Variants in MLLT10 observed in about 807,000 individuals in gnomAD.
MLLT10 encodes the protein protein AF-10.
A neutral mutation model predicts 129.1 loss-of-function variants in MLLT10; 30 were observed. That is an observed-to-expected ratio of 0.23 (90% confidence interval 0.17 to 0.32). The LOEUF (loss-of-function observed/expected upper bound fraction) is 0.32. Ranked by LOEUF, MLLT10 falls within the 10% of genes least tolerant of loss-of-function variation. The pLI, the probability that MLLT10 is intolerant of heterozygous loss-of-function variation, is 1.00. For missense variants in MLLT10, 1,119 were observed against 1,268.3 expected (o/e 0.88, Z 1.79); for synonymous variants, 490 against 446.4 (o/e 1.10, Z -1.23).
Position 21,595,353 on chromosome 10 carries a change from C to G in MLLT10, c.318C>G (p.Ala106=). 6.2e-7 allele frequency: 1 copy of G among 1,613,140 alleles called. No individual in the cohort carries two copies. Among genetic ancestry groups the G allele is most frequent in the Non-Finnish European group, 8.5e-7 (1 of 1,179,484 alleles). Residue 106 remains alanine (A), a synonymous_variant, in exon 5 of 23, where the codon GCC becomes GCG. Transcript: ENST00000307729. ...DNGGWAHVVC[A]LYIPEVQFAN... ...TAGGTTGGGCCCATGTGGTTTGTGCCCTGTATATTCCAGAGGTACAATTTG... is the reference window on the plus strand; with the variant it reads ...TAGGTTGGGCCCATGTGGTTTGTGCGCTGTATATTCCAGAGGTACAATTTG...
intron 8 of MLLT10, among the ~76,000 whole-genome samples, chr10:21,647,877 G>GT (rs1007667131): frequency 1.0e-4 from 15 of 148,722 alleles, no homozygotes; most frequent in Admixed American, 5.3e-4. Context: ...TTCCCTTTCT[G>GT]TTTTTTTTAT....
intron 2 of MLLT10, among the ~76,000 whole-genome samples, chr10:21,535,236 C>T (rs961564630): frequency 6.6e-6 from 1 of 152,166 alleles, no homozygotes; most frequent in African/African-American, 2.4e-5. Flanking sequence ...AGCCGCCTGT[C>T]TGCCGCAGTG....
At chr10:21,588,723 A>G (rs1484775002) in intron 4 of MLLT10, among the ~76,000 whole-genome samples, 1 of 151,864 alleles carries the variant, frequency 6.6e-6, no homozygotes, top group African/African-American at 2.4e-5. Context: ...GTAGTTTTGC[A>G]TTTCTCTTAA....
chr10:21,588,081 C>CT (rs2042164892), intron 4 of MLLT10, among the ~76,000 whole-genome samples: 1 of 151,616 alleles, frequency 6.6e-6, no homozygotes, highest in Non-Finnish European at 1.5e-5. Context: ...CTTCGATTTT[C>CT]TTTTTTTTGA....
intron 10 of MLLT10, among the ~76,000 whole-genome samples, chr10:21,672,793 C>T (rs1589565330): frequency 6.6e-6 from 1 of 152,102 alleles, no homozygotes; most frequent in African/African-American, 2.4e-5. Context: ...TTCAGCTGAA[C>T]AATAACAATC....
chr10:21,623,936 GA>G (rs1330535345), intron 8 of MLLT10, among the ~76,000 whole-genome samples: 4 of 151,916 alleles, frequency 2.6e-5, no homozygotes, highest in African/African-American at 9.7e-5. Context: ...TTTTTTAATA[GA>G]TTTTTTTAGT....
chr10:21,563,476 T>G (rs1162021618), intron 3 of MLLT10, among the ~76,000 whole-genome samples: 1 of 152,136 alleles, frequency 6.6e-6, no homozygotes, highest in East Asian at 1.9e-4. Flanking sequence ...TGAGCTGAGA[T>G]TGTGCCGCTG....
chr10:21,707,471 G>A (rs939631992), intron 13 of MLLT10, among the ~76,000 whole-genome samples: 3 of 152,242 alleles, frequency 2.0e-5, no homozygotes, highest in South Asian at 4.2e-4. Context: ...GATTACAGGC[G>A]TGAGCCACTG....
chr10:21,614,891 C>T lies in MLLT10; in HGVS notation c.570C>T (p.Tyr190=), dbSNP rs1037554335. 4 of 1,611,636 alleles carry T rather than the reference C, an allele frequency of 2.5e-6. No individual in the cohort carries two copies. The highest frequency in any genetic ancestry group is 1.7e-5 in the Admixed American group (1 of 59,348). ...EEGNGADNVQ[Y]CGYCKYHFSK... is the part of the protein sequence containing the mutation. Reference sequence around the variant, plus strand: ...GTAATGGTGCCGATAATGTCCAATACTGTGGCTACTGTAAATACCATTTTA... The same window carrying T: ...GTAATGGTGCCGATAATGTCCAATATTGTGGCTACTGTAAATACCATTTTA... Residue 190 remains tyrosine (Y), a synonymous_variant, in exon 7 of 23, where the codon TAC becomes TAT. Coordinates refer to ENST00000307729, the MANE Select transcript of MLLT10 (RefSeq NM_001195626.3).
chr10:21,658,126 C>T (rs1422109117), intron 9 of MLLT10, among the ~76,000 whole-genome samples: 1 of 152,022 alleles, frequency 6.6e-6, no homozygotes, highest in Non-Finnish European at 1.5e-5. Context: ...TCTAATATAT[C>T]ATAAATATAT....
intron 3 of MLLT10, among the ~76,000 whole-genome samples, chr10:21,545,101 C>T (rs1008539128): frequency 1.3e-5 from 2 of 152,028 alleles, no homozygotes; most frequent in Non-Finnish European, 2.9e-5. Flanking sequence ...GCCGAGATCG[C>T]GCTATTGCAC....
intron 8 of MLLT10, among the ~76,000 whole-genome samples, chr10:21,636,477 T>G (rs1237107026): frequency 6.6e-6 from 1 of 152,216 alleles, no homozygotes; most frequent in African/African-American, 2.4e-5. Flanking sequence ...TCTTTATATA[T>G]GTATATGTCT....
intron 17 of MLLT10, among the ~76,000 whole-genome samples, chr10:21,731,630 AATAAT>A (rs1173590679): frequency 6.6e-6 from 1 of 152,190 alleles, no homozygotes; most frequent in Non-Finnish European, 1.5e-5. Flanking sequence ...TTGGAGGAAG[AATAAT>A]AATTATTGAA....
intron 10 of MLLT10, 38 bp from the exon 11 acceptor site, chr10:21,673,312 C>T (rs748481864): frequency 3.0e-6 from 2 of 669,008 alleles, no homozygotes; most frequent in African/African-American, 2.0e-5. Context: ...CCCCCCCACC[C>T]CCCAACTTTT....
intron 3 of MLLT10, among the ~76,000 whole-genome samples, chr10:21,572,977 G>A (rs893363375): frequency 2.6e-5 from 4 of 151,706 alleles, no homozygotes; most frequent in African/African-American, 9.7e-5. Context: ...ACATTTTTTA[G>A]CAATTATAAA....
At chr10:21,676,494 G>T (rs995436622) in intron 11 of MLLT10, among the ~76,000 whole-genome samples, 1 of 151,482 alleles carries the variant, frequency 6.6e-6, no homozygotes, top group African/African-American at 2.4e-5. Flanking sequence ...GCCGAGGTGG[G>T]CAGGTCACCT....
intron 14 of MLLT10, among the ~76,000 whole-genome samples, chr10:21,719,804 AT>A (rs1478374747): frequency 1.3e-5 from 2 of 152,212 alleles, no homozygotes; most frequent in African/African-American, 4.8e-5. Context: ...ATTCATGGTT[AT>A]TGACTTCAAC....
At chr10:21,740,458 C>G (rs1481271827) in intron 22 of MLLT10, among the ~76,000 whole-genome samples, 1 of 152,162 alleles carries the variant, frequency 6.6e-6, no homozygotes, top group African/African-American at 2.4e-5. Context: ...TTTTGTAATT[C>G]AGCAATTTTC....
intron 3 of MLLT10, among the ~76,000 whole-genome samples, chr10:21,562,826 T>G (rs1305464174): frequency 2.9e-5 from 4 of 140,098 alleles, no homozygotes; most frequent in South Asian, 2.3e-4. Context: ...TTGTTTTTTT[T>G]TTTTTTTTTT....
Sources: gnomAD v4.1 joint callset for allele counts (sites outside exome capture counted in the v4.1 genomes callset) on GRCh38, gnomAD v4.1.1 for gene constraint, MANE v1.5 for transcripts, NCBI Gene and HGNC (gene_info 2026-07-23, HGNC 2026-07-21) for gene names.